COL4A2: variants seen among roughly 807,000 people sequenced by gnomAD.
COL4A2 encodes the protein collagen type IV alpha 2 chain.
Under a neutral mutation model 200.2 loss-of-function variants are expected in COL4A2, and 99 were observed. The ratio of observed to expected loss-of-function variants is 0.49; its 90% confidence interval spans 0.42 to 0.58. COL4A2 has a LOEUF of 0.58. COL4A2 is among the 20% of genes least tolerant of loss of function. The pLI is 0.00. For missense variants in COL4A2, 1,950 were observed against 2,314.1 expected, an observed-to-expected ratio of 0.84 and a Z score of 3.23; for synonymous variants, 897 against 900.6, an observed-to-expected ratio of 1.00 and a Z score of 0.07.
At chr13:110,375,874 A>G (rs1211879388) in intron 4 of COL4A2, among the ~76,000 whole-genome samples, 2 of 152,120 alleles carry the variant, frequency 1.3e-5, no homozygotes, top group Non-Finnish European at 2.9e-5. Context: ...ATTATGCTAC[A>G]TCTTTATACA....
At chr13:110,419,864 TA>T (rs1319763647) in intron 4 of COL4A2, among the ~76,000 whole-genome samples, 1 of 152,232 alleles carries the variant, frequency 6.6e-6, no homozygotes, top group African/African-American at 2.4e-5. Context: ...TTAACCCACA[TA>T]AATACTCTTA....
chr13:110,448,817 C>A (rs1330120030), intron 18 of COL4A2, among the ~76,000 whole-genome samples: 1 of 152,112 alleles, frequency 6.6e-6, no homozygotes, highest in African/African-American at 2.4e-5. Context: ...TCTGGGTGAC[C>A]CTGTGAGGTG....
intron 40 of COL4A2, among the ~76,000 whole-genome samples, chr13:110,501,038 T>C (rs1883620569): frequency 6.6e-6 from 1 of 152,182 alleles, no homozygotes. Context: ...GGCAGGAGCG[T>C]CACCTTGCTG....
chr13:110,410,489 G>A (rs1879789242), intron 4 of COL4A2, among the ~76,000 whole-genome samples: 2 of 152,192 alleles, frequency 1.3e-5, no homozygotes, highest in Non-Finnish European at 2.9e-5. Flanking sequence ...ACCATCTGAT[G>A]TATGGGCTTC....
intron 3 of COL4A2, among the ~76,000 whole-genome samples, chr13:110,308,375 T>G (rs1434965965): frequency 6.6e-6 from 1 of 152,148 alleles, no homozygotes; most frequent in Non-Finnish European, 1.5e-5. Flanking sequence ...ACTGGGAACT[T>G]AAAATGTAGC....
intron 6 of COL4A2, among the ~76,000 whole-genome samples, chr13:110,425,906 C>T (rs567770477): frequency 1.3e-5 from 2 of 152,250 alleles, no homozygotes; most frequent in East Asian, 3.9e-4. Context: ...GAGGAGACAT[C>T]CGCAGAGCAG....
chr13:110,503,055 C>T, intron 41 of COL4A2, 66 bp from the exon 42 acceptor site: 2 of 1,493,612 alleles, frequency 1.3e-6, no homozygotes, highest in South Asian at 2.4e-5. Flanking sequence ...TGACGGTGCA[C>T]CTGACTGCCC....
rs2139505243 is a variant in COL4A2 at position 110,466,987 on chromosome 13, G to A, written c.2039-53G>A. On this transcript the variant is annotated intron_variant, in intron 26 of 47. Coordinates refer to ENST00000360467, the MANE Select transcript of COL4A2 (RefSeq NM_001846.4). ...GCCCTTGGGGATCCCCAAGGCCGTG[G>A]GACTCAGTGTTTAGGATTGCTTGGG... 10 of 1,611,744 alleles carry A rather than the reference G, an allele frequency of 6.2e-6. No individual in the cohort carries two copies. In the South Asian group the frequency reaches 1.1e-4, roughly 18 times the overall value.
At chr13:110,404,330 T>A (rs886771293) in intron 4 of COL4A2, among the ~76,000 whole-genome samples, 6 of 152,224 alleles carry the variant, frequency 3.9e-5, no homozygotes, top group African/African-American at 1.4e-4. Flanking sequence ...AATACCAGAC[T>A]TATAAAAATC....
At chr13:110,409,643 G>A (rs754014449) in intron 4 of COL4A2, among the ~76,000 whole-genome samples, 10 of 152,232 alleles carry the variant, frequency 6.6e-5, no homozygotes, top group Non-Finnish European at 1.2e-4. Context: ...CAGGGCGCCA[G>A]CTGAGTCACT....
In COL4A2 at chr13:110,415,932, G is replaced by A. The variant is rs1026807483; in HGVS notation, c.181-8802G>A. Among the ~76,000 whole-genome samples the A allele has an allele frequency of 3.9e-5, 6 of 152,390 alleles. No individual in the cohort carries two copies. In the East Asian group the frequency reaches 1.2e-3, roughly 29 times the overall value. On this transcript the variant is annotated intron_variant, in intron 4 of 47. Transcript: ENST00000360467. ...GCCATGAGTCATGCCATGCTCTTGGGTGTGAAGATGACCTAAGAATACCAG... is the reference window on the plus strand; with the variant it reads ...GCCATGAGTCATGCCATGCTCTTGGATGTGAAGATGACCTAAGAATACCAG...
intron 13 of COL4A2, among the ~76,000 whole-genome samples, chr13:110,437,684 C>T (rs774234629): frequency 4.4e-4 from 67 of 152,114 alleles, no homozygotes; most frequent in Non-Finnish European, 7.9e-4. Context: ...GGCACGTTCT[C>T]CCACCATACG....
chr13:110,481,920 G>GT (rs67199340), intron 31 of COL4A2, among the ~76,000 whole-genome samples: 1,275 of 26,586 alleles, frequency 0.048, 17 homozygotes, highest in East Asian at 0.094. Flanking sequence ...CTGTCCCTCC[G>GT]TGCTGGAGAC....
At chr13:110,458,001 G>A (rs1881844207) in intron 21 of COL4A2, 1 of 414,582 alleles carries the variant, frequency 2.4e-6, no homozygotes, top group South Asian at 1.9e-5. Flanking sequence ...GCCGTCCTCT[G>A]TGAGGCTCTG....
chr13:110,376,171 C>T (rs1337499510), intron 4 of COL4A2, among the ~76,000 whole-genome samples: 4 of 152,166 alleles, frequency 2.6e-5, no homozygotes, highest in South Asian at 4.1e-4. Flanking sequence ...TTGTTCATGA[C>T]AGTACGAAAT....
intron 17 of COL4A2, 122 bp downstream of exon 17, chr13:110,446,004 A>C: frequency 1.5e-5 from 15 of 994,056 alleles, no homozygotes; most frequent in Non-Finnish European, 2.2e-5. Context: ...AGATCCCCAA[A>C]TACACGGCCT....
chr13:110,449,032 G>T (rs2391830), intron 18 of COL4A2, among the ~76,000 whole-genome samples: 2 of 151,678 alleles, frequency 1.3e-5, no homozygotes, highest in South Asian at 2.1e-4. Flanking sequence ...CTTGCACGTG[G>T]GACTTCAGTG....
chr13:110,358,841 G>A (rs530031861), intron 4 of COL4A2, among the ~76,000 whole-genome samples: 1 of 152,100 alleles, frequency 6.6e-6, no homozygotes, highest in East Asian at 1.9e-4. Flanking sequence ...TGCAAAATTG[G>A]GTCAATGTAT....
chr13:110,491,459 GC>G (rs1362729378), intron 37 of COL4A2, 119 bp downstream of exon 37: 8 of 729,022 alleles, frequency 1.1e-5, no homozygotes, highest in Non-Finnish European at 1.4e-5. Flanking sequence ...GCTCACTCGT[GC>G]CTGCTGCCAG....
Sources: gnomAD v4.1 joint callset for allele counts (sites outside exome capture counted in the v4.1 genomes callset) on GRCh38, gnomAD v4.1.1 for gene constraint, MANE v1.5 for transcripts, NCBI Gene and HGNC (gene_info 2026-07-23, HGNC 2026-07-21) for gene names.